The following TMEM135 variants were observed in gnomAD, a reference collection of about 807,000 sequenced individuals.
TMEM135 encodes the protein transmembrane protein 135.
Under a neutral mutation model 60.3 loss-of-function variants are expected in TMEM135, and 30 were observed. The ratio of observed to expected loss-of-function variants is 0.50; its 90% CI spans 0.37 to 0.68. The LOEUF is 0.68. Among genes scored for constraint, TMEM135 ranks in the 30% least tolerant of loss-of-function variants. TMEM135 has a pLI of 0.00. For missense variants in TMEM135, 468 were observed against 548.8 expected, an observed-to-expected ratio of 0.85 and a Z score of 1.47; for synonymous variants, 190 against 186.7, an observed-to-expected ratio of 1.02 and a Z score of -0.14.
intron 5 of TMEM135, among the ~76,000 whole-genome samples, chr11:87,204,342 A>G (rs904803873): frequency 6.6e-6 from 1 of 151,904 alleles, no homozygotes; most frequent in African/African-American, 2.4e-5. Context: ...TTTCTTATCT[A>G]TTCTGTTGTT....
intron 6 of TMEM135, among the ~76,000 whole-genome samples, chr11:87,291,161 C>T (rs919987605): frequency 1.3e-5 from 2 of 152,150 alleles, no homozygotes; most frequent in Non-Finnish European, 2.9e-5. Flanking sequence ...CAGACTTGTA[C>T]AGCCAGTTAC....
chr11:87,149,776 C>T (rs1938508620), intron 4 of TMEM135, among the ~76,000 whole-genome samples: 1 of 152,216 alleles, frequency 6.6e-6, no homozygotes. Context: ...TTTACTTATA[C>T]AATTTATATC....
intron 4 of TMEM135, among the ~76,000 whole-genome samples, chr11:87,144,252 A>G (rs1938343383): frequency 6.6e-6 from 1 of 152,338 alleles, no homozygotes; most frequent in Non-Finnish European, 1.5e-5. Context: ...TGATGAATGC[A>G]TGCCTATCCG....
In TMEM135 at chr11:87,304,311, C is replaced by T. The variant is rs149341714; in HGVS notation, c.699-1625C>T. ...GCTTGAGTCTAGGAGTTCAAGGCTG[C>T]GGTGATCTATGATCATTATGATCAT... On this transcript the variant is annotated intron_variant, in intron 8 of 14. Coordinates refer to ENST00000305494, the MANE Select transcript of TMEM135 (RefSeq NM_022918.4). 4.5e-4 allele frequency among the ~76,000 whole-genome samples: 69 copies of T among 152,176 alleles called. 2 individuals are homozygous for T. The East Asian group carries it at 0.012, about 27-fold the overall frequency.
intron 6 of TMEM135, among the ~76,000 whole-genome samples, chr11:87,242,318 G>C (rs1293722659): frequency 1.3e-5 from 2 of 151,810 alleles, no homozygotes; most frequent in Non-Finnish European, 2.9e-5. Context: ...ACATACACGT[G>C]CATGTGTCTT....
chr11:87,178,387 T>G (rs1392582671), intron 5 of TMEM135: 15 of 456,050 alleles, frequency 3.3e-5, no homozygotes, highest in Non-Finnish European at 6.6e-5. Flanking sequence ...TATATACATG[T>G]AATTATACAA....
intron 1 of TMEM135, among the ~76,000 whole-genome samples, chr11:87,063,767 T>C (rs141578496): frequency 1.2e-3 from 181 of 152,326 alleles, no homozygotes; most frequent in African/African-American, 4.2e-3. Flanking sequence ...TTATTTTCTG[T>C]GTCTTGTGTT....
chr11:87,133,694 G>T (rs1938003495), intron 4 of TMEM135, among the ~76,000 whole-genome samples: 1 of 152,052 alleles, frequency 6.6e-6, no homozygotes, highest in Admixed American at 6.6e-5. Context: ...TCTCCTTTCA[G>T]CTTCTCCCTC....
rs553380204 is a variant in TMEM135, at chr11:87,060,029, G to A, written c.142-7665G>A. On this transcript the variant is annotated intron_variant, in intron 1 of 14. Transcript: ENST00000305494. Reference sequence around the variant, plus strand: ...CTTGGGAGGCTGAGGCAGGAGAATCGCTTGAACCGGGAGGTGTAGGTTGCT... The same window carrying A: ...CTTGGGAGGCTGAGGCAGGAGAATCACTTGAACCGGGAGGTGTAGGTTGCT... Among the ~76,000 whole-genome samples the A allele has an allele frequency of 3.6e-3, 550 of 152,204 alleles. 8 individuals are homozygous for A. The highest frequency in any genetic ancestry group is 0.013 in the African/African-American group (521 of 41,536).
intron 6 of TMEM135, among the ~76,000 whole-genome samples, chr11:87,280,822 A>G (rs1942048261): frequency 6.6e-6 from 1 of 152,186 alleles, no homozygotes; most frequent in African/African-American, 2.4e-5. Context: ...GAGTGAATAA[A>G]TGATGTAAAG....
intron 6 of TMEM135, among the ~76,000 whole-genome samples, chr11:87,239,274 G>T (rs547805065): frequency 6.6e-6 from 1 of 152,044 alleles, no homozygotes; most frequent in Admixed American, 6.6e-5. Context: ...TCTCCTAAAA[G>T]AAGTACTATC....
intron 12 of TMEM135, 147 bp from the exon 13 acceptor site, chr11:87,317,990 A>G (rs749934567): frequency 7.6e-5 from 51 of 673,102 alleles, no homozygotes; most frequent in Non-Finnish European, 1.2e-4. Flanking sequence ...CTGACCCTTA[A>G]CATCATTATG....
At chr11:87,038,337 A>G (rs1949721760) in intron 1 of TMEM135, 151 bp downstream of exon 1, 6 of 497,714 alleles carry the variant, frequency 1.2e-5, no homozygotes, top group African/African-American at 2.1e-5. Flanking sequence ...CGGTAGGGGG[A>G]AGGGGGAGGT....
At chr11:87,320,207 A>G (rs1206690842) in intron 14 of TMEM135, among the ~76,000 whole-genome samples, 1 of 152,112 alleles carries the variant, frequency 6.6e-6, no homozygotes, top group East Asian at 1.9e-4. Flanking sequence ...AGGTTCTGTT[A>G]TTATCCCTGT....
At position 87,322,998 on chromosome 11, in the gene TMEM135, TA is replaced by T. The variant is rs573099306; in HGVS notation, c.*1669del. 7.5e-5 allele frequency: 34 copies of T among 454,378 alleles called. No homozygotes were observed. Among genetic ancestry groups the T allele is most frequent in the African/African-American group, 6.4e-4 (32 of 50,114 alleles). 28.1% of individuals were successfully genotyped at this position (454,378 alleles called of 1,614,324 possible). A position where few individuals can be genotyped will look rare whatever the true frequency, so the allele number is the denominator to read the frequency against. ...GATGGTTGGTACTGTGTTTACTGTT[TA>T]AAATGAAGTACTAAAGCCCTGAGAA... On this transcript the variant is annotated 3_prime_UTR_variant, in exon 15 of 15. Transcript: ENST00000305494.
At chr11:87,280,442 T>C (rs960396595) in intron 6 of TMEM135, among the ~76,000 whole-genome samples, 4 of 152,226 alleles carry the variant, frequency 2.6e-5, no homozygotes, top group African/African-American at 9.6e-5. Context: ...TCCATGTCTC[T>C]GTGTTACAGT....
intron 5 of TMEM135, among the ~76,000 whole-genome samples, chr11:87,219,458 G>C (rs1940571245): frequency 6.6e-6 from 1 of 152,098 alleles, no homozygotes; most frequent in Non-Finnish European, 1.5e-5. Context: ...GTGGTCAGGG[G>C]GTGGTGGCGG....
At chr11:87,243,224 G>A (rs1270095925) in intron 6 of TMEM135, among the ~76,000 whole-genome samples, 3 of 119,772 alleles carry the variant, frequency 2.5e-5, no homozygotes, top group East Asian at 4.1e-4. Flanking sequence ...CTCTGTTTTG[G>A]TACCAGTACC....
intron 6 of TMEM135, among the ~76,000 whole-genome samples, chr11:87,243,354 A>G (rs1293343668): frequency 7.0e-6 from 1 of 143,562 alleles, no homozygotes; most frequent in Non-Finnish European, 1.5e-5. Flanking sequence ...TTGGTTCCAT[A>G]TGAACTTTAA....
Sources: gnomAD v4.1 joint callset for allele counts (sites outside exome capture counted in the v4.1 genomes callset) on GRCh38, gnomAD v4.1.1 for gene constraint, MANE v1.5 for transcripts, NCBI Gene and HGNC (gene_info 2026-07-23, HGNC 2026-07-21) for gene names.